SPATA17: variants seen among roughly 807,000 people sequenced by gnomAD.
SPATA17 encodes the protein spermatogenesis associated 17, also known as spermatogenesis-associated protein 17.
SPATA17 carries 53 observed loss-of-function variants against 62.2 expected under a neutral mutation model. That is an observed-to-expected ratio of 0.85 (90% CI 0.68 to 1.07). The LOEUF (loss-of-function observed/expected upper bound fraction) is 1.07. Ranked by LOEUF, SPATA17 falls within the 50% of genes least tolerant of loss-of-function variation. The pLI, the probability that SPATA17 is intolerant of heterozygous loss-of-function variation, is 0.00. For synonymous variants in SPATA17, 146 were observed against 146.8 expected (o/e 0.99, Z 0.04); for missense variants, 466 against 425.5 (o/e 1.10, Z -0.84).
chr1:217,821,098 C>T (rs561940007), intron 9 of SPATA17, among the ~76,000 whole-genome samples: 1 of 152,058 alleles, frequency 6.6e-6, no homozygotes, highest in Non-Finnish European at 1.5e-5. Flanking sequence ...AATGCAGTGG[C>T]ACCAAGCCAT....
At chr1:217,718,749 G>T (rs1279067898) in intron 5 of SPATA17, among the ~76,000 whole-genome samples, 2 of 152,078 alleles carry the variant, frequency 1.3e-5, no homozygotes, top group South Asian at 2.1e-4. Flanking sequence ...TATGTTTAAA[G>T]AATAAAATCC....
chr1:217,687,901 CTCTT>C (rs1370184885), intron 5 of SPATA17, among the ~76,000 whole-genome samples: 2 of 152,140 alleles, frequency 1.3e-5, no homozygotes, highest in African/African-American at 2.4e-5. Context: ...AACCATTTAA[CTCTT>C]TCTAACTTCT....
chr1:217,831,430 G>A (rs993298500), intron 9 of SPATA17, among the ~76,000 whole-genome samples: 1 of 151,878 alleles, frequency 6.6e-6, no homozygotes, highest in African/African-American at 2.4e-5. Flanking sequence ...TCCTTGCATC[G>A]ACACAGTTGG....
rs77323388 is a variant in SPATA17 at position 217,644,297 on chromosome 1, A to G, written c.69-4585A>G. ...CATCATCAAGCGTCTGTTATTAGGCACATGAGTGATAATCAGAACACAAAA... is the reference window on the plus strand; with the variant it reads ...CATCATCAAGCGTCTGTTATTAGGCGCATGAGTGATAATCAGAACACAAAA... On this transcript the variant is annotated intron_variant, in intron 1 of 10. Coordinates refer to ENST00000366933, the MANE Select transcript of SPATA17 (RefSeq NM_138796.4). 5.0e-4 allele frequency among the ~76,000 whole-genome samples: 76 copies of G among 152,356 alleles called. No individual in the cohort carries two copies. In the East Asian group the frequency reaches 0.01, roughly 20 times the overall value.
intron 1 of SPATA17, among the ~76,000 whole-genome samples, chr1:217,636,894 A>T (rs944667820): frequency 6.6e-6 from 1 of 152,246 alleles, no homozygotes. Context: ...AAAAATTTTT[A>T]AAACACATAA....
At chr1:217,646,686 G>T (rs1388366064) in intron 1 of SPATA17, among the ~76,000 whole-genome samples, 1 of 152,060 alleles carries the variant, frequency 6.6e-6, no homozygotes, top group African/African-American at 2.4e-5. Flanking sequence ...CACGAGATCA[G>T]GAGTTCAAGA....
In SPATA17 at chr1:217,683,599, C is replaced by T. The variant is rs372644365; in HGVS notation, c.395+238C>T. ...GATAACAGGCGCCCGCCACCACAGC[C>T]GGCTAATTTTTTTCTATTTTTTAGT... is the stretch of plus-strand genomic sequence containing the variant. On this transcript the variant is annotated intron_variant, in intron 5 of 10. Coordinates refer to ENST00000366933, the MANE Select transcript of SPATA17 (RefSeq NM_138796.4). Among the ~76,000 whole-genome samples the T allele has an allele frequency of 1.3e-3, 201 of 152,126 alleles. 1 individual carries two copies. The highest frequency in any genetic ancestry group is 4.3e-3 in the African/African-American group (178 of 41,518).
intron 9 of SPATA17, among the ~76,000 whole-genome samples, chr1:217,851,729 T>C (rs1354338533): frequency 6.6e-6 from 1 of 152,168 alleles, no homozygotes; most frequent in Non-Finnish European, 1.5e-5. Flanking sequence ...AGTAAACTAA[T>C]AAGTAGAAAA....
intron 6 of SPATA17, among the ~76,000 whole-genome samples, chr1:217,769,178 C>T (rs551677875): frequency 2.0e-5 from 3 of 152,280 alleles, no homozygotes; most frequent in African/African-American, 7.2e-5. Flanking sequence ...GGAAATATTT[C>T]ATTTGCAATA....
At chr1:217,719,901 G>A (rs548260965) in intron 5 of SPATA17, among the ~76,000 whole-genome samples, 2 of 152,174 alleles carry the variant, frequency 1.3e-5, no homozygotes, top group South Asian at 2.1e-4. Flanking sequence ...CTGTTCTGCA[G>A]CTAGTGGTCT....
intron 5 of SPATA17, among the ~76,000 whole-genome samples, chr1:217,705,186 G>A (rs1671703777): frequency 6.6e-6 from 1 of 151,798 alleles, no homozygotes; most frequent in Non-Finnish European, 1.5e-5. Flanking sequence ...ATTCATGTTG[G>A]CCACATGAAT....
chr1:217,855,496 T>C (rs1222326145), intron 9 of SPATA17, among the ~76,000 whole-genome samples: 1 of 152,216 alleles, frequency 6.6e-6, no homozygotes, highest in Non-Finnish European at 1.5e-5. Flanking sequence ...TCTGCCTTTC[T>C]ATACCTACAT....
chr1:217,638,657 G>A (rs552684796), intron 1 of SPATA17, among the ~76,000 whole-genome samples: 2 of 152,220 alleles, frequency 1.3e-5, no homozygotes, highest in South Asian at 4.1e-4. Flanking sequence ...ATGTTAGTTT[G>A]GAGGAAGGAG....
chr1:217,769,023 G>A (rs1558042850), intron 6 of SPATA17, among the ~76,000 whole-genome samples: 1 of 151,964 alleles, frequency 6.6e-6, no homozygotes, highest in Non-Finnish European at 1.5e-5. Context: ...TTTGGATCTA[G>A]CAAAGTGGAC....
chr1:217,742,684 C>T (rs1191788167), intron 6 of SPATA17, among the ~76,000 whole-genome samples: 2 of 152,064 alleles, frequency 1.3e-5, no homozygotes, highest in African/African-American at 4.8e-5. Context: ...GGAAAGAATA[C>T]ATGTCATGTG....
intron 3 of SPATA17, among the ~76,000 whole-genome samples, chr1:217,653,165 A>G (rs1461016967): frequency 6.6e-6 from 1 of 152,194 alleles, no homozygotes; most frequent in Non-Finnish European, 1.5e-5. Context: ...GTGGATAGAT[A>G]GATACATAGG....
In SPATA17 at chr1:217,843,671, G is replaced by A. The variant is rs549796054; in HGVS notation, c.1006-19103G>A. Among the ~76,000 whole-genome samples, 5 of 151,964 alleles carry A rather than the reference G, an allele frequency of 3.3e-5. No homozygotes were observed. In the South Asian group the frequency reaches 6.2e-4, roughly 19 times the overall value. ...TAAGTTTTGATGGCTACGGGTTTATGTTACCACTACTCAACTCTGCATTGT... is the reference window on the plus strand; with the variant it reads ...TAAGTTTTGATGGCTACGGGTTTATATTACCACTACTCAACTCTGCATTGT... On this transcript the variant is annotated intron_variant, in intron 9 of 10. Coordinates refer to ENST00000366933, the MANE Select transcript of SPATA17 (RefSeq NM_138796.4).
chr1:217,670,972 A>AG (rs1670819429), intron 4 of SPATA17, among the ~76,000 whole-genome samples: 1 of 150,954 alleles, frequency 6.6e-6, no homozygotes, highest in Non-Finnish European at 1.5e-5. Context: ...AAAAAAAAAA[A>AG]GAAATCCCCA....
Position 217,869,915 on chromosome 1 carries a change from A to G in SPATA17, c.*2896A>G, listed in dbSNP as rs947283632. On this transcript the variant is annotated 3_prime_UTR_variant, in exon 11 of 11. Coordinates refer to ENST00000366933, the MANE Select transcript of SPATA17 (RefSeq NM_138796.4). ...TATTGCTTTTGCACTATCATAAAGT[A>G]AAAACATCATAAGTCAAGCCACCAT... 1.2e-4 allele frequency: 18 copies of G among 152,182 alleles called. No individual in the cohort carries two copies. The highest frequency in any genetic ancestry group is 4.1e-4 in the African/African-American group (17 of 41,456). 9.4% of individuals were successfully genotyped at this position (152,182 alleles called of 1,614,324 possible).
Sources: allele counts gnomAD v4.1 joint callset (sites outside exome capture counted in the v4.1 genomes callset), GRCh38; gene constraint gnomAD v4.1.1; transcripts MANE v1.5; gene names NCBI Gene and HGNC (gene_info 2026-07-23, HGNC 2026-07-21).